Variants in LRRIQ1 observed in about 807,000 individuals in gnomAD.
LRRIQ1 encodes the protein leucine-rich repeat- and IQ domain-containing protein 1.
A neutral mutation model predicts 211.9 loss-of-function variants in LRRIQ1; 210 were observed. The ratio of observed to expected loss-of-function variants is 0.99; its 90% CI spans 0.89 to 1.11. The LOEUF (loss-of-function observed/expected upper bound fraction) is 1.11, where lower values mean the gene tolerates loss of function less well. Among genes scored for constraint, LRRIQ1 ranks in the 50% most tolerant of loss-of-function variants. LRRIQ1 has a pLI of 0.00. For missense variants in LRRIQ1, 2,136 were observed against 1,939.5 expected (o/e 1.10, Z -1.90); for synonymous variants, 699 against 650.1 (o/e 1.08, Z -1.14).
rs375522581 is a variant in LRRIQ1, at chr12:85,124,373, A to G, written c.3861A>G (p.Glu1287=). 1.2e-6 allele frequency: 2 copies of G among 1,614,032 alleles called. No homozygotes were observed. Among genetic ancestry groups the G allele is most frequent in the African/African-American group, 2.7e-5 (2 of 74,946 alleles). ...AATCCGCCACATGTGAAAATATGGA[A>G]GGAAGACATCAGGAAATATTAGTAT... ...LSKSATCENM[E]GRHQEILVCQ... The change falls in exon 17 of 27, where the codon GAA becomes GAG. Residue 1287 remains glutamate (E), a synonymous_variant. Transcript: ENST00000393217.
At chr12:85,061,090 G>A (rs1881740991) in intron 8 of LRRIQ1, among the ~76,000 whole-genome samples, 2 of 151,796 alleles carry the variant, frequency 1.3e-5, no homozygotes, top group African/African-American at 4.8e-5. Flanking sequence ...TAAAGTATGA[G>A]AGCTATAAAT....
At chr12:85,272,804 G>A in the LRRIQ1 span, among the ~76,000 whole-genome samples, 2 of 152,164 alleles carry the variant, frequency 1.3e-5, no homozygotes, top group Non-Finnish European at 2.9e-5. Flanking sequence ...GAAAGATGAT[G>A]TAATCCCATG....
chr12:85,065,238 C>T, intron 8 of LRRIQ1, 24 bp from the exon 9 acceptor site: 2 of 1,591,784 alleles, frequency 1.3e-6, no homozygotes, highest in African/African-American at 1.4e-5. Context: ...ACACTACACA[C>T]TCCAATTTTC....
At chr12:85,198,012 ATAT>A (rs1414032519) in intron 24 of LRRIQ1, among the ~76,000 whole-genome samples, 2 of 59,606 alleles carry the variant, frequency 3.4e-5, no homozygotes, top group Non-Finnish European at 6.6e-5. Context: ...CATATATAAT[ATAT>A]TATATTATTA....
intron 18 of LRRIQ1, among the ~76,000 whole-genome samples, chr12:85,132,060 T>C (rs947359852): frequency 3.2e-4 from 49 of 152,178 alleles, no homozygotes; most frequent in Admixed American, 2.7e-3. Context: ...ACATGCTATG[T>C]ATTTTATAGT....
intron 24 of LRRIQ1, among the ~76,000 whole-genome samples, chr12:85,197,932 ATTATATATAT>A (rs1187412918): frequency 8.9e-6 from 1 of 111,796 alleles, no homozygotes; most frequent in East Asian, 2.2e-4. Flanking sequence ...ATATAATATA[ATTATATATAT>A]TTATATATAA....
rs1892436004 is a variant in LRRIQ1 at position 85,190,228 on chromosome 12, A to G, written c.4822+29514A>G. On this transcript the variant is annotated intron_variant, in intron 24 of 26. Transcript: ENST00000393217. ...ATTATAATTTTATAATTTTATAATG[A>G]TATATTAATATACATTATATTATAT... is the stretch of plus-strand genomic sequence containing the variant. 7.6e-5 allele frequency among the ~76,000 whole-genome samples: 11 copies of G among 144,614 alleles called. No individual in the cohort carries two copies. In the South Asian group the frequency reaches 2.4e-3, roughly 32 times the overall value. The allele number at this position is 144,614 out of a possible 152,430, so 94.9% of individuals were successfully genotyped here. A position where few individuals can be genotyped will look rare whatever the true frequency, so the allele number is the denominator to read the frequency against.
At chr12:85,158,931 A>C (rs1381602451) in intron 23 of LRRIQ1, among the ~76,000 whole-genome samples, 1 of 151,682 alleles carries the variant, frequency 6.6e-6, no homozygotes, top group Admixed American at 6.6e-5. Context: ...ATACTGCATT[A>C]TTACCAGTGG....
chr12:85,257,423 A>G (rs1896151395), intron 1 of LRRIQ1, among the ~76,000 whole-genome samples: 1 of 150,832 alleles, frequency 6.6e-6, no homozygotes, highest in African/African-American at 2.4e-5. Flanking sequence ...CCAAACTAAC[A>G]AAATAAACAG....
At chr12:85,159,199 G>A (rs1229204752) in intron 23 of LRRIQ1, among the ~76,000 whole-genome samples, 7 of 152,068 alleles carry the variant, frequency 4.6e-5, no homozygotes, top group Non-Finnish European at 1.0e-4. Context: ...TATGAGGAAA[G>A]TATGATTGTT....
chr12:85,099,793 A>G (rs528995317), intron 13 of LRRIQ1, among the ~76,000 whole-genome samples: 99 of 151,926 alleles, frequency 6.5e-4, no homozygotes, highest in African/African-American at 2.3e-3. Context: ...CCCAAGACAT[A>G]TAAAATCATC....
At chr12:85,233,885 G>C (rs1280891238) in intron 26 of LRRIQ1, among the ~76,000 whole-genome samples, 1 of 152,032 alleles carries the variant, frequency 6.6e-6, no homozygotes, top group Non-Finnish European at 1.5e-5. Flanking sequence ...GGCCACCTTA[G>C]AGCAAGAATT....
chr12:85,056,750 A>AGT lies in LRRIQ1; in HGVS notation c.1959_1960dup (p.Gly654ValfsTer4), dbSNP rs1380116699. 5.0e-6 allele frequency: 8 copies of AGT among 1,605,248 alleles called. No individual in the cohort carries two copies. The highest frequency in any genetic ancestry group is 5.9e-6 in the Non-Finnish European group (7 of 1,177,760). ...GAACCCAAAAGACAATGCTTGGAAT[A>AGT]GTGGCATTGTGATTTTTAACACAAC... On this transcript the variant is annotated frameshift_variant, in exon 8 of 27. Transcript: ENST00000393217. LOFTEE classifies it high-confidence loss of function.
intron 11 of LRRIQ1, among the ~76,000 whole-genome samples, chr12:85,089,251 A>G (rs966755414): frequency 6.6e-6 from 1 of 152,124 alleles, no homozygotes; most frequent in East Asian, 1.9e-4. Context: ...TTTCTCAGTT[A>G]TTTCTTTATA....
At chr12:85,212,602 C>T (rs907507959) in intron 24 of LRRIQ1, among the ~76,000 whole-genome samples, 10 of 151,242 alleles carry the variant, frequency 6.6e-5, no homozygotes, top group African/African-American at 2.4e-4. Context: ...CAATATATAA[C>T]TGAAAAATGA....
intron 15 of LRRIQ1, among the ~76,000 whole-genome samples, chr12:85,111,037 G>T (rs1275327837): frequency 6.6e-6 from 1 of 151,992 alleles, no homozygotes; most frequent in African/African-American, 2.4e-5. Context: ...GGTAATATAG[G>T]TTAGGCTTCA....
Position 85,056,629 on chromosome 12 carries a change from A to T in LRRIQ1, c.1836A>T (p.Arg612Ser), listed in dbSNP as rs200559703. The T allele has an allele frequency of 9.5e-5, 152 of 1,595,950 alleles. No homozygotes were observed. The highest frequency in any genetic ancestry group is 1.3e-5 in the Non-Finnish European group (15 of 1,172,752). ...KDTLVISVKQ[R>S]SLSLTSENSK... ...CTTTAGTTATTTCAGTGAAACAAAG[A>T]TCACTCTCACTAACATCAGAAAATT... Residue 612 changes from arginine to serine, a missense_variant, in exon 8 of 27, where the codon AGA becomes AGT. Coordinates refer to ENST00000393217, the MANE Select transcript of LRRIQ1 (RefSeq NM_001079910.2).
intron 23 of LRRIQ1, among the ~76,000 whole-genome samples, chr12:85,158,897 ATTC>A: frequency 6.6e-6 from 1 of 150,946 alleles, no homozygotes; most frequent in South Asian, 2.1e-4. Flanking sequence ...TTATTTATTT[ATTC>A]ATTTTTTTAT....
chr12:85,257,439 A>G (rs900670375), intron 1 of LRRIQ1, among the ~76,000 whole-genome samples: 1 of 150,884 alleles, frequency 6.6e-6, no homozygotes, highest in African/African-American at 2.4e-5. Flanking sequence ...AACAGGACTT[A>G]TATGACCTGA....
Sources: allele counts gnomAD v4.1 joint callset (sites outside exome capture counted in the v4.1 genomes callset), GRCh38; gene constraint gnomAD v4.1.1; transcripts MANE v1.5; gene names NCBI Gene and HGNC (gene_info 2026-07-23, HGNC 2026-07-21).